TMTC1: variants seen among roughly 807,000 people sequenced by gnomAD.
TMTC1 encodes protein O-mannosyl-transferase TMTC1.
A neutral mutation model predicts 104.8 loss-of-function variants in TMTC1; 73 were observed. That is an observed-to-expected ratio of 0.70 (90% CI 0.58 to 0.85). The LOEUF is 0.85. Ranked by LOEUF, TMTC1 falls within the 40% of genes least tolerant of loss-of-function variation. TMTC1 has a pLI of 0.00. For missense variants in TMTC1, 1,035 were observed against 1,096.1 expected (o/e 0.94, Z 0.79); for synonymous variants, 434 against 428.7 (o/e 1.01, Z -0.15).
chr12:29,507,745 T>A (rs1943731361), intron 17 of TMTC1, among the ~76,000 whole-genome samples: 1 of 152,188 alleles, frequency 6.6e-6, no homozygotes, highest in Non-Finnish European at 1.5e-5. Flanking sequence ...AGCTATTAGC[T>A]TTTTTCAGCA....
At chr12:29,550,322 TA>T (rs1333524762) in intron 10 of TMTC1, among the ~76,000 whole-genome samples, 3 of 152,118 alleles carry the variant, frequency 2.0e-5, no homozygotes, top group Non-Finnish European at 4.4e-5. Context: ...GATAGGGTTA[TA>T]AATTATGAAT....
intron 17 of TMTC1, among the ~76,000 whole-genome samples, chr12:29,511,378 G>A (rs1943831922): frequency 6.6e-6 from 1 of 152,002 alleles, no homozygotes; most frequent in Non-Finnish European, 1.5e-5. Flanking sequence ...TATTCCCAGT[G>A]CCTAGCAGGG....
chr12:29,762,092 T>C (rs1207220261), intron 2 of TMTC1, among the ~76,000 whole-genome samples: 1 of 152,032 alleles, frequency 6.6e-6, no homozygotes, highest in Non-Finnish European at 1.5e-5. Context: ...GGTGAGTGGA[T>C]TGCTTGAGCC....
At chr12:29,635,514 A>C (rs528310047) in intron 5 of TMTC1, among the ~76,000 whole-genome samples, 1 of 152,350 alleles carries the variant, frequency 6.6e-6, no homozygotes, top group East Asian at 1.9e-4. Context: ...ATGACTGCTT[A>C]AATTATCAGG....
At chr12:29,732,539 T>C (rs1942570995) in intron 5 of TMTC1, among the ~76,000 whole-genome samples, 1 of 152,192 alleles carries the variant, frequency 6.6e-6, no homozygotes, top group African/African-American at 2.4e-5. Flanking sequence ...ATTGTAGACC[T>C]GGTCCCGCTA....
intron 5 of TMTC1, among the ~76,000 whole-genome samples, chr12:29,677,492 C>A (rs1031033226): frequency 3.9e-5 from 6 of 152,226 alleles, no homozygotes; most frequent in Non-Finnish European, 8.8e-5. Context: ...TCTTCATTTA[C>A]AAAAGACAAC....
intron 5 of TMTC1, among the ~76,000 whole-genome samples, chr12:29,726,911 A>G (rs1942408018): frequency 6.6e-6 from 1 of 152,260 alleles, no homozygotes; most frequent in South Asian, 2.1e-4. Context: ...GATGTAGTTA[A>G]GAGATAATGA....
At chr12:29,572,832 GA>G (rs1945717355) in intron 8 of TMTC1, among the ~76,000 whole-genome samples, 1 of 152,108 alleles carries the variant, frequency 6.6e-6, no homozygotes, top group Non-Finnish European at 1.5e-5. Flanking sequence ...GAGACTTGAT[GA>G]AATACCCTAA....
chr12:29,699,590 A>G, intron 5 of TMTC1, among the ~76,000 whole-genome samples: 1 of 151,504 alleles, frequency 6.6e-6, no homozygotes, highest in Non-Finnish European at 1.5e-5. Flanking sequence ...TATTCAAAAG[A>G]TAGTTTTAGA....
At position 29,517,440 on chromosome 12, in the gene TMTC1, A is replaced by G; in HGVS notation, c.2156T>C (p.Leu719Pro). The G allele has an allele frequency of 6.2e-7, 1 of 1,613,982 alleles. No homozygotes were observed. The highest frequency in any genetic ancestry group is 1.1e-5 in the South Asian group (1 of 91,074). Residue 719 changes from leucine (L) to proline (P), a missense_variant, in exon 14 of 18, where the codon CTC becomes CCC. Leu to Pro is a moderately conservative substitution (Grantham distance 98). Coordinates refer to ENST00000539277, the MANE Select transcript of TMTC1 (RefSeq NM_001193451.2). ...CATCCTACTCACCAGTGCCAAGCGG[A>G]GCTCCCTCTGAGAAGGCTGAAGTGC... ...AAALQPSQRE[L>P]RLALAQVLAV...
At chr12:29,666,228 C>G (rs879080781) in intron 5 of TMTC1, 2 of 365,804 alleles carry the variant, frequency 5.5e-6, no homozygotes, top group Non-Finnish European at 1.0e-5. Context: ...TTTCTTTTTT[C>G]TTTTTTTTTT....
At chr12:29,521,549 T>C (rs1944159180) in intron 11 of TMTC1, among the ~76,000 whole-genome samples, 1 of 142,962 alleles carries the variant, frequency 7.0e-6, no homozygotes, top group South Asian at 2.2e-4. Flanking sequence ...TAGGTACATT[T>C]TTCTTTTTCT....
chr12:29,539,797 A>G (rs1288847847), intron 10 of TMTC1, among the ~76,000 whole-genome samples: 1 of 152,186 alleles, frequency 6.6e-6, no homozygotes, highest in Non-Finnish European at 1.5e-5. Context: ...ACCTCAATTT[A>G]CAGTACTAGA....
intron 5 of TMTC1, among the ~76,000 whole-genome samples, chr12:29,702,926 C>T (rs1941638764): frequency 6.6e-6 from 1 of 152,124 alleles, no homozygotes; most frequent in Admixed American, 6.5e-5. Flanking sequence ...AGGTGGATCA[C>T]CTGAGGTCAG....
chr12:29,629,625 A>G (rs1408828429), intron 6 of TMTC1, among the ~76,000 whole-genome samples: 1 of 152,180 alleles, frequency 6.6e-6, no homozygotes, highest in African/African-American at 2.4e-5. Flanking sequence ...AGGCAAATTC[A>G]TAGAGACAGA....
chr12:29,599,972 G>A (rs577168578), intron 7 of TMTC1, among the ~76,000 whole-genome samples: 18,382 of 135,806 alleles, frequency 0.14, 1,666 homozygotes, highest in African/African-American at 0.23. Flanking sequence ...ATATATATGT[G>A]TGTGTGTGTG....
At chr12:29,509,076 C>CA (rs1565632539) in intron 17 of TMTC1, among the ~76,000 whole-genome samples, 1 of 152,154 alleles carries the variant, frequency 6.6e-6, no homozygotes, top group Non-Finnish European at 1.5e-5. Context: ...AGCCATATTT[C>CA]AAGTGCTCAG....
chr12:29,569,814 T>A (rs1446519749), intron 9 of TMTC1, among the ~76,000 whole-genome samples: 1 of 152,224 alleles, frequency 6.6e-6, no homozygotes, highest in Non-Finnish European at 1.5e-5. Flanking sequence ...CTAATTACTA[T>A]ATGTAATATA....
Position 29,604,242 on chromosome 12 carries a change from G to A in TMTC1, c.1186C>T (p.Pro396Ser), listed in dbSNP as rs146128257. 6.8e-6 allele frequency: 11 copies of A among 1,613,868 alleles called. No homozygotes were observed. The highest frequency in any genetic ancestry group is 1.7e-5 in the Admixed American group (1 of 59,996). The change falls in exon 7 of 18, where the codon CCA becomes TCA. Residue 396 changes from proline (P) to serine (S), a missense_variant. Coordinates refer to ENST00000539277, the MANE Select transcript of TMTC1 (RefSeq NM_001193451.2). ...ACCCTGAAGAAGAGGTTGCTGGCTG[G>A]AATGAACGGGAACACCAGGAACAAC... ...GLLFLVFPFI[P>S]ASNLFFRVGF...
Sources: gnomAD v4.1 joint callset for allele counts (sites outside exome capture counted in the v4.1 genomes callset) on GRCh38, gnomAD v4.1.1 for gene constraint, MANE v1.5 for transcripts, NCBI Gene and HGNC (gene_info 2026-07-23, HGNC 2026-07-21) for gene names.